Variants in BTG4 observed in about 807,000 individuals in gnomAD.
BTG4 encodes the protein BTG anti-proliferation factor 4.
BTG4 carries 10 observed loss-of-function variants against 19.3 expected under a neutral mutation model. That is an observed-to-expected ratio of 0.52 (90% confidence interval 0.32 to 0.88). The LOEUF (loss-of-function observed/expected upper bound fraction) is 0.88, where lower values mean the gene tolerates loss of function less well. Ranked by LOEUF, BTG4 falls within the 40% of genes least tolerant of loss-of-function variation. The probability of loss-of-function intolerance (pLI) is 0.04; values close to 1 mark genes in which losing one functional copy is unlikely to be tolerated. For synonymous variants in BTG4, 91 were observed against 95.7 expected (o/e 0.95, Z 0.29); for missense variants, 238 against 281.9 (o/e 0.84, Z 1.11).
At chr11:111,422,142 T>C in the BTG4 span, among the ~76,000 whole-genome samples, 2 of 152,150 alleles carry the variant, frequency 1.3e-5, no homozygotes, top group Non-Finnish European at 2.9e-5. Flanking sequence ...TGTTTTTTTA[T>C]CCCAAAACAA....
chr11:111,405,437 A>AAAAAAAAAAAAT, the BTG4 span, among the ~76,000 whole-genome samples: 1 of 136,190 alleles, frequency 7.3e-6, no homozygotes, highest in African/African-American at 2.7e-5. Context: ...AAAAAAAAAG[A>AAAAAAAAAAAAT]TGTCAGGACC....
At chr11:111,488,075 G>T (rs1447839520) in intron 5 of BTG4, among the ~76,000 whole-genome samples, 1 of 151,988 alleles carries the variant, frequency 6.6e-6, no homozygotes, top group Non-Finnish European at 1.5e-5. Flanking sequence ...AAATACCAAT[G>T]ACATTCTTCA....
chr11:111,468,396 G>A (rs962644312), intron 5 of BTG4, among the ~76,000 whole-genome samples: 2 of 152,180 alleles, frequency 1.3e-5, no homozygotes, highest in Non-Finnish European at 2.9e-5. Flanking sequence ...TGTTATCTTT[G>A]TTTTAGAAAT....
At chr11:111,509,537 A>C (rs1256505352) in intron 1 of BTG4, among the ~76,000 whole-genome samples, 1 of 151,976 alleles carries the variant, frequency 6.6e-6, no homozygotes, top group African/African-American at 2.4e-5. Context: ...TCTACTAAAA[A>C]TACAAAAAAT....
the BTG4 span, chr11:111,404,608 T>C: frequency 6.6e-6 from 3 of 456,210 alleles, no homozygotes; most frequent in South Asian, 4.6e-5. Flanking sequence ...AGACCCCACA[T>C]TGACTTACCT....
At chr11:111,412,302 C>T in the BTG4 span, among the ~76,000 whole-genome samples, 3 of 152,162 alleles carry the variant, frequency 2.0e-5, no homozygotes, top group Non-Finnish European at 4.4e-5. Flanking sequence ...TCATTTCAAT[C>T]CATCTTGGAA....
At chr11:111,491,746 A>G (rs1168509577), downstream of BTG4, among the ~76,000 whole-genome samples, 14 of 151,360 alleles carry the variant, frequency 9.2e-5, no homozygotes, top group Admixed American at 2.0e-4. Context: ...AAAAAAAAAA[A>G]AAAAGAAAGA....
chr11:111,510,168 C>T (rs1487326128), intron 1 of BTG4, among the ~76,000 whole-genome samples: 2 of 152,062 alleles, frequency 1.3e-5, no homozygotes, highest in Non-Finnish European at 2.9e-5. Flanking sequence ...CCTTGACCTC[C>T]CAAAGTGCTG....
At position 111,498,712 on chromosome 11, in the gene BTG4, AGTTT is replaced by A. The variant is rs1166298372; in HGVS notation, c.61_64del (p.Lys21Ter). The A allele has an allele frequency of 7.4e-6, 12 of 1,613,556 alleles. No homozygotes were observed. The highest frequency in any genetic ancestry group is 5.9e-6 in the Non-Finnish European group (7 of 1,179,788). On this transcript the variant is annotated frameshift_variant, in exon 2 of 5. Transcript: ENST00000692032. LOFTEE classifies it high-confidence loss of function. Reference sequence around the variant, plus strand: ...AAAGTCTTCTATTTGCTGTTTACTTAGTTTATCATGTTTTTTCACCAATCTTGTG... The same window carrying A: ...AAAGTCTTCTATTTGCTGTTTACTTAATCATGTTTTTTCACCAATCTTGTG...
At chr11:111,420,468 G>A in the BTG4 span, among the ~76,000 whole-genome samples, 883 of 152,288 alleles carry the variant, frequency 5.8e-3, 9 homozygotes, top group Middle Eastern at 0.01. Context: ...GAAGGCAGTG[G>A]GCATGGTAGG....
intron 5 of BTG4, among the ~76,000 whole-genome samples, chr11:111,475,713 T>C (rs919475446): frequency 3.3e-5 from 5 of 152,180 alleles, no homozygotes; most frequent in Non-Finnish European, 5.9e-5. Context: ...TTCAAACTGC[T>C]TCTCACATGG....
chr11:111,496,016 A>C (rs904714201), intron 4 of BTG4, among the ~76,000 whole-genome samples: 1 of 152,234 alleles, frequency 6.6e-6, no homozygotes, highest in Non-Finnish European at 1.5e-5. Flanking sequence ...AACATTTGCC[A>C]GAAATATGTC....
chr11:111,456,414 C>T, the BTG4 span: 1 of 429,328 alleles, frequency 2.3e-6, no homozygotes, highest in Non-Finnish European at 4.8e-6. This position sits in a 1 kb window ranked among gnomAD's most constrained non-coding sequence, Gnocchi z 4.2. Context: ...GAGGAGTTCT[C>T]ACCAGCTCCT....
downstream of BTG4, among the ~76,000 whole-genome samples, chr11:111,466,397 C>T (rs1435002405): frequency 6.6e-6 from 1 of 152,190 alleles, no homozygotes; most frequent in Non-Finnish European, 1.5e-5. Flanking sequence ...TGAATGCTTT[C>T]TATGTACTAG....
the BTG4 span, among the ~76,000 whole-genome samples, chr11:111,424,442 C>T: frequency 6.6e-6 from 1 of 152,220 alleles, no homozygotes; most frequent in Non-Finnish European, 1.5e-5. Context: ...GCATGGAATT[C>T]ACCTCAATAT....
chr11:111,390,969 C>A, the BTG4 span, among the ~76,000 whole-genome samples: 1 of 152,194 alleles, frequency 6.6e-6, no homozygotes, highest in Non-Finnish European at 1.5e-5. Flanking sequence ...GATGCCAAGC[C>A]CTGGATTGCA....
At chr11:111,407,429 G>C in the BTG4 span, among the ~76,000 whole-genome samples, 1 of 152,190 alleles carries the variant, frequency 6.6e-6, no homozygotes, top group African/African-American at 2.4e-5. Context: ...CCAGCACTTT[G>C]GGAGGCCAAG....
the BTG4 span, among the ~76,000 whole-genome samples, chr11:111,383,865 C>T: frequency 5.6e-3 from 845 of 152,248 alleles, 15 homozygotes; most frequent in African/African-American, 0.019. Context: ...CATGGGACAG[C>T]TCTCCATCTC....
the BTG4 span, among the ~76,000 whole-genome samples, chr11:111,423,894 C>G: frequency 6.6e-6 from 1 of 152,162 alleles, no homozygotes; most frequent in African/African-American, 2.4e-5. Flanking sequence ...GAGGCCTGAG[C>G]TCCTTTCAGG....
Sources: gnomAD v4.1 joint callset for allele counts (sites outside exome capture counted in the v4.1 genomes callset) on GRCh38, gnomAD v4.1.1 for gene constraint, Gnocchi (gnomAD v3.1) non-coding constraint, MANE v1.5 for transcripts, NCBI Gene and HGNC (gene_info 2026-07-23, HGNC 2026-07-21) for gene names.